CADPS: variants seen among roughly 807,000 people sequenced by gnomAD.
CADPS encodes the protein calcium dependent secretion activator, also known as calcium-dependent secretion activator 1.
Under a neutral mutation model 167.3 loss-of-function variants are expected in CADPS, and 57 were observed. The ratio of observed to expected loss-of-function variants is 0.34; its 90% CI spans 0.28 to 0.42. CADPS has a LOEUF of 0.42. CADPS is among the 20% of genes least tolerant of loss of function. The pLI is 1.00. For missense variants in CADPS, 1,414 were observed against 1,738.1 expected (o/e 0.81, Z 3.32); for synonymous variants, 676 against 635.3 (o/e 1.06, Z -0.96).
chr3:62,518,638 A>G (rs1365849585), intron 13 of CADPS, among the ~76,000 whole-genome samples: 1 of 152,142 alleles, frequency 6.6e-6, no homozygotes, highest in Non-Finnish European at 1.5e-5. Context: ...AAAATTTGGA[A>G]CAGTTAGCAT....
In CADPS at chr3:62,491,568, C is replaced by CACAG. The variant is rs1385195282; in HGVS notation, c.2885-89_2885-88insCTGT. ...ACACACACACACACAAACACACACA[C>CACAG]ACACACACACACACACAGATGATTG... is the stretch of plus-strand genomic sequence containing the variant. On this transcript the variant is annotated intron_variant, in intron 20 of 29. Coordinates refer to ENST00000383710, the MANE Select transcript of CADPS (RefSeq NM_003716.4). 3.2e-6 allele frequency: 3 copies of CACAG among 951,860 alleles called. No homozygotes were observed. In the African/African-American group the frequency reaches 4.9e-5, roughly 16 times the overall value. The allele number at this position is 951,860 out of a possible 1,614,324, so 59.0% of individuals were successfully genotyped here. A position where few individuals can be genotyped will look rare whatever the true frequency, so the allele number is the denominator to read the frequency against.
chr3:62,431,908 GATA>G (rs937090530), intron 28 of CADPS, among the ~76,000 whole-genome samples: 3 of 151,274 alleles, frequency 2.0e-5, no homozygotes, highest in African/African-American at 2.4e-5. Context: ...AAACACCACT[GATA>G]ATGATATGTG....
intron 1 of CADPS, among the ~76,000 whole-genome samples, chr3:62,766,496 C>T (rs1296764525): frequency 6.6e-6 from 1 of 152,168 alleles, no homozygotes; most frequent in Non-Finnish European, 1.5e-5. Context: ...AAACACAGCA[C>T]TGCACATGCC....
chr3:62,803,537 C>T (rs12630939), intron 1 of CADPS, among the ~76,000 whole-genome samples: 12,947 of 151,864 alleles, frequency 0.085, 744 homozygotes, highest in Admixed American at 0.13. Context: ...GGCCCTTGCC[C>T]CACGTGTCAA....
chr3:62,709,761 TTTATTTATG>T (rs1426150904), intron 3 of CADPS, among the ~76,000 whole-genome samples: 1 of 146,964 alleles, frequency 6.8e-6, no homozygotes, highest in Admixed American at 6.9e-5. Context: ...TTATTTTTAT[TTTATTTATG>T]TATTTATTAT....
intron 1 of CADPS, among the ~76,000 whole-genome samples, chr3:62,858,600 CA>C (rs1425302947): frequency 6.6e-6 from 1 of 152,010 alleles, no homozygotes; most frequent in Non-Finnish European, 1.5e-5. Flanking sequence ...ATTAGGTAAC[CA>C]ATTGTGTCTA....
At chr3:62,596,436 G>A (rs2058957155) in intron 6 of CADPS, among the ~76,000 whole-genome samples, 1 of 151,914 alleles carries the variant, frequency 6.6e-6, no homozygotes, top group Admixed American at 6.6e-5. Context: ...GACCTCAAGT[G>A]ATCCACCCAC....
chr3:62,426,787 G>A (rs2052786672), intron 28 of CADPS, among the ~76,000 whole-genome samples: 1 of 151,790 alleles, frequency 6.6e-6, no homozygotes, highest in Non-Finnish European at 1.5e-5. Flanking sequence ...TGACAGGGCG[G>A]TCAGGCATGG....
At chr3:62,413,217 G>A (rs903575076) in intron 28 of CADPS, among the ~76,000 whole-genome samples, 10 of 152,202 alleles carry the variant, frequency 6.6e-5, no homozygotes, top group East Asian at 5.8e-4. Context: ...CCACTTTTCC[G>A]GTTTCCACAA....
intron 11 of CADPS, among the ~76,000 whole-genome samples, chr3:62,541,642 A>G (rs545457632): frequency 1.3e-5 from 2 of 152,252 alleles, no homozygotes; most frequent in South Asian, 4.1e-4. Flanking sequence ...CTGGTTCCTA[A>G]AGTGATACTA....
intron 18 of CADPS, among the ~76,000 whole-genome samples, chr3:62,495,016 A>G (rs2064454307): frequency 6.6e-6 from 1 of 152,164 alleles, no homozygotes; most frequent in African/African-American, 2.4e-5. Flanking sequence ...AAGAAGTGCC[A>G]CTTCTACGAT....
chr3:62,485,624 T>C (rs1465357588), intron 21 of CADPS, among the ~76,000 whole-genome samples: 7 of 146,092 alleles, frequency 4.8e-5, no homozygotes, highest in Admixed American at 3.4e-4. Flanking sequence ...GAAACCCTCA[T>C]CTGGGGAAAC....
chr3:62,771,956 A>G lies in CADPS; in HGVS notation c.442-5972T>C, dbSNP rs556562744. ...TGAAGTCAGAGCAAGCTCAAGTCAC[A>G]TGCTAGCTTTGCTATGAGACCTTGG... On this transcript the variant is annotated intron_variant, in intron 1 of 29. Transcript: ENST00000383710. Among the ~76,000 whole-genome samples the G allele has an allele frequency of 3.3e-5, 5 of 152,332 alleles. No individual in the cohort carries two copies. In the East Asian group the frequency reaches 5.8e-4, roughly 18 times the overall value.
At position 62,841,832 on chromosome 3, in the gene CADPS, C is replaced by T. The variant is rs192154268; in HGVS notation, c.441+32757G>A. ...GTCTGCCAACTACAATTCTGTTTGC[C>T]AAATTTGTCAATATATTATTTCCCT... On this transcript the variant is annotated intron_variant, in intron 1 of 29. Transcript: ENST00000383710. Among the ~76,000 whole-genome samples the T allele has an allele frequency of 6.9e-3, 1,058 of 152,262 alleles. 11 individuals carry two copies. Among genetic ancestry groups the T allele is most frequent in the Non-Finnish European group, 9.0e-3 (614 of 68,000 alleles).
chr3:62,871,567 T>G (rs73844683), intron 1 of CADPS, among the ~76,000 whole-genome samples: 2,315 of 152,276 alleles, frequency 0.015, 64 homozygotes, highest in African/African-American at 0.053. Flanking sequence ...TGTTTCACAC[T>G]TCAATTGCCA....
intron 3 of CADPS, among the ~76,000 whole-genome samples, chr3:62,668,571 A>G (rs1426165548): frequency 2.0e-5 from 3 of 152,128 alleles, no homozygotes; most frequent in Non-Finnish European, 4.4e-5. Flanking sequence ...TGTTCTCCAG[A>G]TTTGTGAATT....
intron 9 of CADPS, among the ~76,000 whole-genome samples, chr3:62,560,312 C>T (rs767824480): frequency 2.6e-5 from 4 of 152,162 alleles, no homozygotes; most frequent in Non-Finnish European, 2.9e-5. Context: ...TTCCACAAGA[C>T]CACACTAAGT....
intron 1 of CADPS, among the ~76,000 whole-genome samples, chr3:62,806,791 G>A (rs2094125074): frequency 6.6e-6 from 1 of 152,070 alleles, no homozygotes; most frequent in South Asian, 2.1e-4. Flanking sequence ...ATAAGAACAA[G>A]CAAGTATTTT....
At chr3:62,588,920 G>A (rs753291441) in intron 7 of CADPS, among the ~76,000 whole-genome samples, 11 of 152,066 alleles carry the variant, frequency 7.2e-5, no homozygotes, top group Non-Finnish European at 1.0e-4. Context: ...GCTTATATAC[G>A]CTATGTTGGT....
Sources: allele counts gnomAD v4.1 joint callset (sites outside exome capture counted in the v4.1 genomes callset), GRCh38; gene constraint gnomAD v4.1.1; transcripts MANE v1.5; gene names NCBI Gene and HGNC (gene_info 2026-07-23, HGNC 2026-07-21).